Variants in KITLG observed in about 807,000 individuals in gnomAD.
KITLG encodes KIT ligand.
Under a neutral mutation model 34.1 loss-of-function variants are expected in KITLG, and 13 were observed. The ratio of observed to expected loss-of-function variants is 0.38; its 90% CI spans 0.25 to 0.61. The LOEUF (loss-of-function observed/expected upper bound fraction) is 0.61, where lower values mean the gene tolerates loss of function less well. Ranked by LOEUF, KITLG falls within the 20% of genes least tolerant of loss-of-function variation. The pLI, the probability that KITLG is intolerant of heterozygous loss-of-function variation, is 0.60. For missense variants in KITLG, 292 were observed against 318.9 expected (o/e 0.92, Z 0.64); for synonymous variants, 110 against 104.0 (o/e 1.06, Z -0.35).
In KITLG at chr12:88,493,851, G is replaced by A. The variant is rs1252587900; in HGVS notation, c.*3368C>T. 1.3e-5 allele frequency: 2 copies of A among 151,780 alleles called. No individual in the cohort carries two copies. Among genetic ancestry groups the A allele is most frequent in the Non-Finnish European group, 2.9e-5 (2 of 67,828 alleles). 9.4% of individuals were successfully genotyped at this position (151,780 alleles called of 1,614,324 possible). A position where few individuals can be genotyped will look rare whatever the true frequency, so the allele number is the denominator to read the frequency against. On this transcript the variant is annotated 3_prime_UTR_variant, in exon 10 of 10. Coordinates refer to ENST00000644744, the MANE Select transcript of KITLG (RefSeq NM_000899.5). ...GATCCAAAATGTTTATTCAAGCAAA[G>A]GAAAAAGCCATCTCTTGTGTAAATG...
rs1196576526 is a variant in KITLG at position 88,570,589 on chromosome 12, G to A, written c.15+9675C>T. Among the ~76,000 whole-genome samples, 6 of 151,764 alleles carry A rather than the reference G, an allele frequency of 4.0e-5. No homozygotes were observed. The East Asian group carries it at 5.8e-4, about 15-fold the overall frequency. On this transcript the variant is annotated intron_variant, in intron 1 of 9. Coordinates refer to ENST00000644744, the MANE Select transcript of KITLG (RefSeq NM_000899.5). ...TTTCAGTTTGTATGTGTATGCATGC[G>A]TGTCTATATTGGTGCATTATATTGT...
chr12:88,537,782 T>C (rs184535521), intron 2 of KITLG, among the ~76,000 whole-genome samples: 131 of 152,184 alleles, frequency 8.6e-4, no homozygotes, highest in African/African-American at 3.0e-3. Context: ...CAGATAACCA[T>C]GAAATAAATT....
intron 2 of KITLG, among the ~76,000 whole-genome samples, chr12:88,537,736 A>T (rs1001310607): frequency 4.6e-5 from 7 of 152,158 alleles, no homozygotes; most frequent in African/African-American, 1.4e-4. Context: ...GGAAATATTC[A>T]ACCCCGTAGT....
intron 9 of KITLG, among the ~76,000 whole-genome samples, chr12:88,502,647 CT>C (rs1868905838): frequency 6.6e-6 from 1 of 152,174 alleles, no homozygotes; most frequent in African/African-American, 2.4e-5. Flanking sequence ...AAAATACCAT[CT>C]TTTTTCCTCC....
At chr12:88,554,441 G>A (rs543360024) in intron 1 of KITLG, among the ~76,000 whole-genome samples, 1 of 152,264 alleles carries the variant, frequency 6.6e-6, no homozygotes, top group African/African-American at 2.4e-5. Context: ...GAGCTGCCCT[G>A]AACAAAACAG....
chr12:88,539,602 T>C (rs117705579), intron 2 of KITLG, among the ~76,000 whole-genome samples: 2,092 of 152,230 alleles, frequency 0.014, 17 homozygotes, highest in Middle Eastern at 0.088. Flanking sequence ...ACTGGACTTT[T>C]TTAAAATGGT....
chr12:88,533,664 TAG>T (rs1449231415), intron 2 of KITLG, among the ~76,000 whole-genome samples: 1 of 152,182 alleles, frequency 6.6e-6, no homozygotes, highest in Non-Finnish European at 1.5e-5. Flanking sequence ...TCTTGCTTTG[TAG>T]ACTTATTTTT....
chr12:88,532,196 T>C lies in KITLG; in HGVS notation c.192+245A>G, dbSNP rs1492347. Among the ~76,000 whole-genome samples the C allele has an allele frequency of 0.79, 119,779 of 151,736 alleles. 49,547 individuals are homozygous for C. Among genetic ancestry groups the C allele is most frequent in the Middle Eastern group, 0.92 (271 of 294 alleles). On this transcript the variant is annotated intron_variant, in intron 3 of 9. Transcript: ENST00000644744. ...GTCGGAAGGTGTCCTGGAACCAATT[T>C]CCTAAGGATAGTGAAGAACAACTAT...
Position 88,515,544 on chromosome 12 carries a change from A to T in KITLG, c.594T>A (p.Ser198Arg), listed in dbSNP as rs1298559181. 6.2e-7 allele frequency: 1 copy of T among 1,605,888 alleles called. No homozygotes were observed. The highest frequency in any genetic ancestry group is 8.5e-7 in the Non-Finnish European group (1 of 1,173,132). The change falls in exon 6 of 10, where the codon AGT (serine) becomes AGA (arginine). Residue 198 changes from serine (S) to arginine (R), a missense_variant. Physicochemically the swap from Ser to Arg is moderately radical, Grantham distance 110 (BLOSUM62 -1). Coordinates refer to ENST00000644744, the MANE Select transcript of KITLG (RefSeq NM_000899.5). ...GATATATGTACTTACTATTACTGCT[A>T]CTGCTGTCATTCCTAAGGGAGCTGG... is the stretch of plus-strand genomic sequence containing the variant. ...VAASSLRNDS[S>R]SSNRKAKNPP...
Position 88,507,154 on chromosome 12 carries a change from A to G in KITLG, c.605-17T>C. 2 of 1,430,536 alleles carry G rather than the reference A, an allele frequency of 1.4e-6. No homozygotes were observed. Among genetic ancestry groups the G allele is most frequent in the Non-Finnish European group, 2.0e-6 (2 of 1,012,502 alleles). 88.6% of individuals were successfully genotyped at this position (1,430,536 alleles called of 1,614,324 possible). ...TGGCCTTCCCTATAATTTAAAGAAC[A>G]CACTGATGAATACAGCATATCCATT... On this transcript the variant is annotated splice_polypyrimidine_tract_variant and intron_variant, in intron 6 of 9. Coordinates refer to ENST00000644744, the MANE Select transcript of KITLG (RefSeq NM_000899.5).
chr12:88,571,011 T>C (rs959353018), intron 1 of KITLG, among the ~76,000 whole-genome samples: 3 of 152,226 alleles, frequency 2.0e-5, no homozygotes, highest in Admixed American at 6.5e-5. Context: ...GGGAAAATTT[T>C]CTAAAAATTT....
At position 88,523,628 on chromosome 12, in the gene KITLG, G is replaced by T. The variant is rs758306859; in HGVS notation, c.193-4761C>A. Reference sequence around the variant, plus strand: ...GTGGACTTTATTTACTGTTCTTTTGGTTTTTTTCGTTGTGGCTAGAAAGCT... The same window carrying T: ...GTGGACTTTATTTACTGTTCTTTTGTTTTTTTTCGTTGTGGCTAGAAAGCT... On this transcript the variant is annotated intron_variant, in intron 3 of 9. Coordinates refer to ENST00000644744, the MANE Select transcript of KITLG (RefSeq NM_000899.5). Among the ~76,000 whole-genome samples the T allele has an allele frequency of 4.6e-5, 7 of 152,056 alleles. No individual in the cohort carries two copies. In the South Asian group the frequency reaches 6.2e-4, roughly 14 times the overall value.
intron 1 of KITLG, among the ~76,000 whole-genome samples, chr12:88,576,197 G>T (rs1329231235): frequency 6.6e-6 from 1 of 152,004 alleles, no homozygotes; most frequent in Non-Finnish European, 1.5e-5. Context: ...TCATTCATTT[G>T]TACTTTAAAA....
chr12:88,557,188 G>C (rs1345269038), intron 1 of KITLG, among the ~76,000 whole-genome samples: 1 of 152,050 alleles, frequency 6.6e-6, no homozygotes. Context: ...CTAGGAATAG[G>C]GAACAACTCA....
At chr12:88,503,765 A>G (rs890221864) in intron 9 of KITLG, among the ~76,000 whole-genome samples, 12 of 152,170 alleles carry the variant, frequency 7.9e-5, no homozygotes, top group African/African-American at 2.9e-4. Flanking sequence ...CCTGTCTGCC[A>G]TGCGTTTATG....
intron 3 of KITLG, among the ~76,000 whole-genome samples, chr12:88,524,492 T>A (rs1869793032): frequency 6.6e-6 from 1 of 152,316 alleles, no homozygotes; most frequent in Non-Finnish European, 1.5e-5. Context: ...AAACATTCCA[T>A]TAATAATTTT....
chr12:88,508,346 G>T (rs1869148714), intron 6 of KITLG, among the ~76,000 whole-genome samples: 1 of 151,994 alleles, frequency 6.6e-6, no homozygotes, highest in South Asian at 2.1e-4. Context: ...TAAAATAATA[G>T]ATCTACTATG....
intron 3 of KITLG, among the ~76,000 whole-genome samples, chr12:88,527,602 T>G (rs2120868348): frequency 6.6e-6 from 1 of 152,352 alleles, no homozygotes; most frequent in Admixed American, 6.5e-5. Context: ...ATGCTAAATC[T>G]GTGGGAGAAA....
chr12:88,533,624 G>A (rs986034588), intron 2 of KITLG, among the ~76,000 whole-genome samples: 1 of 152,132 alleles, frequency 6.6e-6, no homozygotes, highest in East Asian at 1.9e-4. Flanking sequence ...TTAAAAAGTA[G>A]TTTTGCACCA....
Sources: gnomAD v4.1 joint callset for allele counts (sites outside exome capture counted in the v4.1 genomes callset) on GRCh38, gnomAD v4.1.1 for gene constraint, MANE v1.5 for transcripts, NCBI Gene and HGNC (gene_info 2026-07-23, HGNC 2026-07-21) for gene names.